CAMKMT: variants seen among roughly 807,000 people sequenced by gnomAD.
The protein encoded by CAMKMT is calmodulin-lysine N-methyltransferase, also known as CaM KMT.
In CAMKMT, 53 loss-of-function variants were observed where a neutral mutation model predicts 48.0. That is an observed-to-expected ratio of 1.10 (90% confidence interval 0.89 to 1.39). The LOEUF is 1.39. Ranked by LOEUF, CAMKMT falls within the 40% of genes most tolerant of loss-of-function variation. CAMKMT has a pLI of 0.00. For missense variants in CAMKMT, 428 were observed against 402.7 expected, an observed-to-expected ratio of 1.06 and a Z score of -0.54; for synonymous variants, 165 against 152.3, an observed-to-expected ratio of 1.08 and a Z score of -0.61.
At chr2:44,444,175 C>T (rs1666844059) in intron 3 of CAMKMT, among the ~76,000 whole-genome samples, 1 of 152,126 alleles carries the variant, frequency 6.6e-6, no homozygotes, top group African/African-American at 2.4e-5. Flanking sequence ...AAAATACCTA[C>T]TATGTTCCCA....
chr2:44,500,553 T>A (rs1405498256), intron 3 of CAMKMT, among the ~76,000 whole-genome samples: 1 of 152,178 alleles, frequency 6.6e-6, no homozygotes, highest in African/African-American at 2.4e-5. Context: ...TATATATTTA[T>A]GTTGATTAGA....
chr2:44,685,011 C>T (rs1354891585), intron 3 of CAMKMT, among the ~76,000 whole-genome samples: 1 of 151,928 alleles, frequency 6.6e-6, no homozygotes, highest in African/African-American at 2.4e-5. Context: ...AGGTTTAGAA[C>T]AATTCGTTGC....
intron 3 of CAMKMT, among the ~76,000 whole-genome samples, chr2:44,440,637 T>C (rs1666594729): frequency 1.3e-5 from 2 of 152,114 alleles, no homozygotes; most frequent in African/African-American, 4.8e-5. Context: ...TCAATGCACA[T>C]TTCAAGGGCT....
At position 44,420,666 on chromosome 2, in the gene CAMKMT, T is replaced by G. The variant is rs578251039; in HGVS notation, c.376+30361T>G. Among the ~76,000 whole-genome samples the G allele has an allele frequency of 1.3e-3, 202 of 152,192 alleles. 1 individual carries two copies. Among genetic ancestry groups the G allele is most frequent in the Middle Eastern group, 3.4e-3 (1 of 294 alleles). On this transcript the variant is annotated intron_variant, in intron 3 of 10. Transcript: ENST00000378494. ...AGTGAGGCACCTCCCAGACAATATC[T>G]GCATTATTACTAAACCCTAGAAGAT...
intron 3 of CAMKMT, among the ~76,000 whole-genome samples, chr2:44,490,768 A>C (rs1196424511): frequency 6.6e-6 from 1 of 152,166 alleles, no homozygotes; most frequent in Non-Finnish European, 1.5e-5. Flanking sequence ...ATTCAGCTTT[A>C]CTATTTTCTT....
intron 8 of CAMKMT, among the ~76,000 whole-genome samples, chr2:44,747,611 CTT>C (rs1288477149): frequency 6.6e-6 from 1 of 152,190 alleles, no homozygotes; most frequent in Admixed American, 6.5e-5. Flanking sequence ...AAAACAGTGA[CTT>C]TAACTCAGCA....
chr2:44,759,587 C>A (rs1680526473), intron 9 of CAMKMT, among the ~76,000 whole-genome samples: 1 of 152,158 alleles, frequency 6.6e-6, no homozygotes, highest in Admixed American at 6.5e-5. Context: ...GGGTTCTTAT[C>A]TGCTTACTGA....
intron 3 of CAMKMT, among the ~76,000 whole-genome samples, chr2:44,470,285 G>A (rs1261363169): frequency 6.6e-6 from 1 of 151,986 alleles, no homozygotes; most frequent in Non-Finnish European, 1.5e-5. Context: ...TTTTACCTGG[G>A]TCATTTCTTT....
intron 3 of CAMKMT, among the ~76,000 whole-genome samples, chr2:44,429,241 T>G (rs1006250301): frequency 6.7e-6 from 1 of 150,276 alleles, no homozygotes; most frequent in African/African-American, 2.5e-5. Flanking sequence ...CTTTGGTGAC[T>G]CAGGAGGTTT....
chr2:44,728,839 CT>C (rs70937931), intron 7 of CAMKMT, among the ~76,000 whole-genome samples: 4,903 of 58,272 alleles, frequency 0.084, 60 homozygotes, highest in Non-Finnish European at 0.11. Context: ...GGGGTCTATC[CT>C]TTTTTTTTTT....
intron 3 of CAMKMT, among the ~76,000 whole-genome samples, chr2:44,442,788 AT>A (rs1666750383): frequency 6.6e-6 from 1 of 152,108 alleles, no homozygotes; most frequent in South Asian, 2.1e-4. Flanking sequence ...TTATCACTTT[AT>A]TTGTCTGTCA....
At chr2:44,380,554 C>A (rs1480729697) in intron 2 of CAMKMT, among the ~76,000 whole-genome samples, 1 of 151,898 alleles carries the variant, frequency 6.6e-6, no homozygotes, top group Non-Finnish European at 1.5e-5. Flanking sequence ...GTAGATGACT[C>A]AGTGAAAAAG....
chr2:44,429,149 C>T (rs1402735815), intron 3 of CAMKMT, among the ~76,000 whole-genome samples: 1 of 152,124 alleles, frequency 6.6e-6, no homozygotes, highest in Non-Finnish European at 1.5e-5. Context: ...CCTAGACATA[C>T]CAGAATCTCA....
intron 3 of CAMKMT, among the ~76,000 whole-genome samples, chr2:44,527,083 C>T (rs891028009): frequency 1.4e-5 from 2 of 147,252 alleles, no homozygotes; most frequent in African/African-American, 5.0e-5. Flanking sequence ...TGACAACCAC[C>T]CCCAGTTTTT....
chr2:44,443,804 A>G (rs529833373), intron 3 of CAMKMT, among the ~76,000 whole-genome samples: 1 of 152,328 alleles, frequency 6.6e-6, no homozygotes, highest in South Asian at 2.1e-4. Context: ...CAGCTCTGCG[A>G]AGGGAGTTCA....
At chr2:44,467,329 C>T (rs913383785) in intron 3 of CAMKMT, among the ~76,000 whole-genome samples, 1 of 151,828 alleles carries the variant, frequency 6.6e-6, no homozygotes, top group Non-Finnish European at 1.5e-5. Flanking sequence ...ATCAGGAGTT[C>T]GAGACCAGCC....
intron 3 of CAMKMT, among the ~76,000 whole-genome samples, chr2:44,510,623 C>G (rs1241435216): frequency 6.6e-6 from 1 of 152,192 alleles, no homozygotes; most frequent in African/African-American, 2.4e-5. Context: ...TCAGATTTTA[C>G]ATTCCACTGA....
intron 3 of CAMKMT, among the ~76,000 whole-genome samples, chr2:44,607,656 G>A (rs1018992990): frequency 5.3e-5 from 8 of 152,110 alleles, no homozygotes; most frequent in Non-Finnish European, 1.2e-4. Context: ...GTAAACACTT[G>A]GTTACAGTGA....
At chr2:44,397,805 C>G (rs1169092217) in intron 3 of CAMKMT, among the ~76,000 whole-genome samples, 2 of 152,166 alleles carry the variant, frequency 1.3e-5, no homozygotes, top group Admixed American at 1.3e-4. Flanking sequence ...GATTCTTTGA[C>G]AGTAGAACTT....
Sources: gnomAD v4.1 joint callset for allele counts (sites outside exome capture counted in the v4.1 genomes callset) on GRCh38, gnomAD v4.1.1 for gene constraint, MANE v1.5 for transcripts, NCBI Gene and HGNC (gene_info 2026-07-23, HGNC 2026-07-21) for gene names.